THSD7B: variants seen among roughly 807,000 people sequenced by gnomAD.
THSD7B encodes the protein thrombospondin type-1 domain-containing protein 7B.
THSD7B carries 138 observed loss-of-function variants against 213.6 expected under a neutral mutation model. The ratio of observed to expected loss-of-function variants is 0.65; its 90% CI spans 0.56 to 0.74. The LOEUF (loss-of-function observed/expected upper bound fraction) is 0.74, where lower values mean the gene tolerates loss of function less well. THSD7B is among the 30% of genes least tolerant of loss of function. The pLI, the probability that THSD7B is intolerant of heterozygous loss-of-function variation, is 0.00. For synonymous variants in THSD7B, 742 were observed against 687.0 expected (o/e 1.08, Z -1.25); for missense variants, 1,931 against 1,991.5 (o/e 0.97, Z 0.58).
At chr2:137,572,608 G>A in intron 17 of THSD7B, 52 bp downstream of exon 17, 3 of 1,594,068 alleles carry the variant, frequency 1.9e-6, no homozygotes, top group Middle Eastern at 3.3e-4. Context: ...TGCCTTCACT[G>A]TTGTTCGTTG....
intron 2 of THSD7B, among the ~76,000 whole-genome samples, chr2:136,950,882 A>G (rs776712953): frequency 1.3e-5 from 2 of 152,230 alleles, no homozygotes; most frequent in Non-Finnish European, 2.9e-5. Flanking sequence ...GACCAAATCA[A>G]TAACTCCGTC....
At chr2:137,362,950 A>G (rs1685304146) in intron 12 of THSD7B, among the ~76,000 whole-genome samples, 1 of 152,188 alleles carries the variant, frequency 6.6e-6, no homozygotes, top group African/African-American at 2.4e-5. Context: ...TCAGCACCAC[A>G]TCTCACTTAT....
chr2:137,511,691 G>A (rs1679964369), intron 15 of THSD7B, among the ~76,000 whole-genome samples: 3 of 152,132 alleles, frequency 2.0e-5, no homozygotes, highest in Admixed American at 2.0e-4. Context: ...TCTGCCACCC[G>A]AGCTGTTTGT....
chr2:137,170,867 T>G lies in THSD7B; in HGVS notation c.1652T>G (p.Ile551Ser). Residue 551 changes from isoleucine (I) to serine (S), a missense_variant, in exon 7 of 28, where the codon ATC (isoleucine) becomes AGC (serine). Coordinates refer to ENST00000409968, the MANE Select transcript of THSD7B (RefSeq NM_001316349.2). ...MCYRWLASEGICFPDHGKCGL... is the reference protein window; with the variant it reads ...MCYRWLASEGSCFPDHGKCGL... ...TACCGATGGCTGGCATCAGAAGGGA[T>G]CTGTTTCCCTGATCATGGAAAATGT... 1 of 1,613,592 alleles carries G rather than the reference T, an allele frequency of 6.2e-7. No individual in the cohort carries two copies. Among genetic ancestry groups the G allele is most frequent in the Non-Finnish European group, 8.5e-7 (1 of 1,179,776 alleles).
intron 5 of THSD7B, among the ~76,000 whole-genome samples, chr2:137,125,290 T>G (rs547518520): frequency 1.3e-5 from 2 of 152,202 alleles, no homozygotes; most frequent in African/African-American, 4.8e-5. Context: ...TTGGAGTCAA[T>G]CCTCTCAAAC....
At chr2:137,591,096 T>C (rs1681856632) in intron 17 of THSD7B, among the ~76,000 whole-genome samples, 1 of 151,968 alleles carries the variant, frequency 6.6e-6, no homozygotes, top group Non-Finnish European at 1.5e-5. Flanking sequence ...TTAGATTTGT[T>C]AAAAGTTTAC....
intron 1 of THSD7B, among the ~76,000 whole-genome samples, chr2:136,803,217 G>A (rs1682220881): frequency 6.6e-6 from 1 of 151,820 alleles, no homozygotes; most frequent in Admixed American, 6.6e-5. Flanking sequence ...TTTTCAATAA[G>A]CAAACAGAAA....
At chr2:137,130,309 G>A (rs1688705736) in intron 5 of THSD7B, among the ~76,000 whole-genome samples, 1 of 152,016 alleles carries the variant, frequency 6.6e-6, no homozygotes, top group Admixed American at 6.6e-5. Flanking sequence ...TGCTCAAAGG[G>A]CTGTGCTACA....
chr2:137,351,321 G>A (rs531406808), intron 12 of THSD7B, among the ~76,000 whole-genome samples: 32 of 152,006 alleles, frequency 2.1e-4, no homozygotes, highest in African/African-American at 5.8e-4. Context: ...AAAGTAATAC[G>A]TTTAATATAT....
Position 137,405,827 on chromosome 2 carries a change from C to A in THSD7B, c.2695+20C>A. ...TCACAGGTATAGTGTGCATTTTACT[C>A]TTTAGCATCAGGCAAGCTGAACATC... On this transcript the variant is annotated intron_variant, in intron 13 of 27. Coordinates refer to ENST00000409968, the MANE Select transcript of THSD7B (RefSeq NM_001316349.2). 2 of 1,581,796 alleles carry A rather than the reference C, an allele frequency of 1.3e-6. No homozygotes were observed. Among genetic ancestry groups the A allele is most frequent in the South Asian group, 1.2e-5 (1 of 85,828 alleles).
chr2:137,572,809 T>G (rs557555684), intron 17 of THSD7B, among the ~76,000 whole-genome samples: 34 of 152,336 alleles, frequency 2.2e-4, no homozygotes, highest in African/African-American at 6.5e-4. Flanking sequence ...GAGCCTATAA[T>G]GATCACACTA....
intron 7 of THSD7B, among the ~76,000 whole-genome samples, chr2:137,189,536 T>C (rs2375115): frequency 0.48 from 69,881 of 145,058 alleles, 18,854 homozygotes; most frequent in East Asian, 0.87. Context: ...GTCTGCTCCA[T>C]CCACAGGGTC....
intron 15 of THSD7B, among the ~76,000 whole-genome samples, chr2:137,451,304 A>G (rs577170391): frequency 4.6e-5 from 7 of 151,872 alleles, no homozygotes; most frequent in African/African-American, 1.7e-4. Context: ...TAATTTTGAT[A>G]TTTTAAAAGT....
At chr2:136,908,728 G>C (rs1684210126) in intron 2 of THSD7B, among the ~76,000 whole-genome samples, 1 of 152,212 alleles carries the variant, frequency 6.6e-6, no homozygotes. Context: ...AAGCAACCCA[G>C]CTAGTGCCGA....
chr2:137,565,876 T>C (rs1165588407), intron 16 of THSD7B, among the ~76,000 whole-genome samples: 2 of 152,100 alleles, frequency 1.3e-5, no homozygotes, highest in African/African-American at 2.4e-5. Flanking sequence ...CCATCTCCAA[T>C]CAACATACAC....
At chr2:137,569,331 T>C (rs1681306318) in intron 16 of THSD7B, among the ~76,000 whole-genome samples, 2 of 152,190 alleles carry the variant, frequency 1.3e-5, no homozygotes, top group South Asian at 2.1e-4. Context: ...AACTTTGTGG[T>C]AATTTTTGCA....
At position 137,676,580 on chromosome 2, in the gene THSD7B, C is replaced by T; in HGVS notation, c.4796C>T (p.Ala1599Val). The change falls in exon 28 of 28, where the codon GCC becomes GTC. Residue 1599 changes from alanine (A) to valine (V), a missense_variant. Transcript: ENST00000409968. ...CCCCAACAGAAGCCTCTGACCTTAG[C>T]CTACGATGGAGACTTAGACATGTAA... Reference protein sequence around the residue: ...TPPQQKPLTLAYDGDLDM With the variant: ...TPPQQKPLTLVYDGDLDM 6.3e-7 allele frequency: 1 copy of T among 1,593,236 alleles called. No homozygotes were observed. Among genetic ancestry groups the T allele is most frequent in the Non-Finnish European group, 8.5e-7 (1 of 1,171,226 alleles).
At chr2:136,775,845 A>G (rs1474094269) in intron 1 of THSD7B, among the ~76,000 whole-genome samples, 3 of 152,136 alleles carry the variant, frequency 2.0e-5, no homozygotes, top group African/African-American at 7.2e-5. Context: ...GTTACAGAAC[A>G]GTGGCGATTA....
At chr2:137,059,061 G>A (rs767256265) in intron 3 of THSD7B, among the ~76,000 whole-genome samples, 5 of 152,190 alleles carry the variant, frequency 3.3e-5, no homozygotes, top group African/African-American at 7.2e-5. Flanking sequence ...CAGTTCTGGA[G>A]GCTGGAAAGT....
Sources: allele counts gnomAD v4.1 joint callset (sites outside exome capture counted in the v4.1 genomes callset), GRCh38; gene constraint gnomAD v4.1.1; transcripts MANE v1.5; gene names NCBI Gene and HGNC (gene_info 2026-07-23, HGNC 2026-07-21).